FRMD6: variants seen among roughly 807,000 people sequenced by gnomAD.
The protein encoded by FRMD6 is FERM domain-containing protein 6.
A neutral mutation model predicts 73.2 loss-of-function variants in FRMD6; 37 were observed. That is an observed-to-expected ratio of 0.51 (90% CI 0.39 to 0.66). The LOEUF (loss-of-function observed/expected upper bound fraction) is 0.66, where lower values mean the gene tolerates loss of function less well. Ranked by LOEUF, FRMD6 falls within the 30% of genes least tolerant of loss-of-function variation. The pLI is 0.00. For missense variants in FRMD6, 714 were observed against 780.5 expected (o/e 0.91, Z 1.02); for synonymous variants, 273 against 282.2 (o/e 0.97, Z 0.33).
At chr14:51,520,774 T>A (rs1368744525) in intron 1 of FRMD6, among the ~76,000 whole-genome samples, 3 of 151,986 alleles carry the variant, frequency 2.0e-5, no homozygotes, top group Non-Finnish European at 4.4e-5. Context: ...CCAAGCATGG[T>A]GGCACGTGTT....
upstream of FRMD6, among the ~76,000 whole-genome samples, chr14:51,486,398 C>A (rs1240487461): frequency 6.6e-6 from 1 of 152,164 alleles, no homozygotes; most frequent in Non-Finnish European, 1.5e-5. Context: ...AACTATTAAG[C>A]ATTAGCAGTA....
At chr14:51,442,616 C>G in the FRMD6 span, among the ~76,000 whole-genome samples, 6 of 151,958 alleles carry the variant, frequency 3.9e-5, no homozygotes, top group East Asian at 1.9e-4. Flanking sequence ...CTGCTCCCCA[C>G]ATATTATAAG....
chr14:51,527,294 T>G (rs1885310971), intron 1 of FRMD6, among the ~76,000 whole-genome samples: 1 of 152,242 alleles, frequency 6.6e-6, no homozygotes, highest in South Asian at 2.1e-4. Context: ...GCCATCACCA[T>G]GGTTTATAAA....
the FRMD6 span, among the ~76,000 whole-genome samples, chr14:51,416,977 CCTG>C: frequency 1.3e-5 from 2 of 151,562 alleles, no homozygotes. Context: ...TATTGCAACC[CCTG>C]CTTTTTTTTT....
the FRMD6 span, among the ~76,000 whole-genome samples, chr14:51,418,423 A>G: frequency 6.6e-6 from 1 of 152,298 alleles, no homozygotes; most frequent in Non-Finnish European, 1.5e-5. Context: ...CCTCAGCTGC[A>G]GGTCTGTTGG....
intron 2 of FRMD6, among the ~76,000 whole-genome samples, chr14:51,693,702 T>C (rs1456230265): frequency 6.6e-6 from 1 of 152,172 alleles, no homozygotes; most frequent in Non-Finnish European, 1.5e-5. Context: ...TTCATTTCAT[T>C]AGTGTACTCT....
intron 2 of FRMD6, among the ~76,000 whole-genome samples, chr14:51,589,984 C>T (rs1225570652): frequency 1.3e-5 from 2 of 149,076 alleles, no homozygotes; most frequent in Non-Finnish European, 3.0e-5. Flanking sequence ...AGGAGAATTG[C>T]TTGAACCTGT....
intron 1 of FRMD6, among the ~76,000 whole-genome samples, chr14:51,518,613 T>A (rs748805791): frequency 1.3e-5 from 2 of 152,210 alleles, no homozygotes; most frequent in South Asian, 2.1e-4. Flanking sequence ...TTATTATTAA[T>A]TTTACCTCTG....
chr14:51,668,709 C>T (rs1018997016), intron 1 of FRMD6, among the ~76,000 whole-genome samples: 2 of 152,138 alleles, frequency 1.3e-5, no homozygotes, highest in African/African-American at 2.4e-5. Flanking sequence ...CTCTGTCACC[C>T]AGGCTAGAGT....
At chr14:51,491,300 A>G (rs1367520336) in intron 1 of FRMD6, 2 of 152,250 alleles carry the variant, frequency 1.3e-5, no homozygotes, top group Non-Finnish European at 2.9e-5. Context: ...GTACCAGCAC[A>G]TGCGCTTCCT....
intron 2 of FRMD6, among the ~76,000 whole-genome samples, chr14:51,632,379 G>A (rs545647187): frequency 6.6e-6 from 1 of 152,262 alleles, no homozygotes; most frequent in South Asian, 2.1e-4. Context: ...AATACGCTTA[G>A]GAAACACGAG....
chr14:51,593,004 G>A (rs1889483232), intron 2 of FRMD6, among the ~76,000 whole-genome samples: 1 of 152,162 alleles, frequency 6.6e-6, no homozygotes, highest in South Asian at 2.1e-4. Context: ...GGGAGGAAAG[G>A]GATATAGGCA....
At chr14:51,579,910 C>T (rs1378539993) in intron 2 of FRMD6, among the ~76,000 whole-genome samples, 1 of 152,170 alleles carries the variant, frequency 6.6e-6, no homozygotes, top group Non-Finnish European at 1.5e-5. Flanking sequence ...TTCTGGGGCT[C>T]ATCCTTTACC....
the FRMD6 span, among the ~76,000 whole-genome samples, chr14:51,404,164 C>T: frequency 6.6e-6 from 1 of 152,096 alleles, no homozygotes; most frequent in African/African-American, 2.4e-5. Flanking sequence ...CTGCATTTTT[C>T]TTAACACTAA....
chr14:51,642,210 G>T (rs892416198), intron 2 of FRMD6, among the ~76,000 whole-genome samples: 1 of 152,020 alleles, frequency 6.6e-6, no homozygotes, highest in African/African-American at 2.4e-5. Flanking sequence ...AGAGAGAGAG[G>T]GTTTTCAACA....
chr14:51,724,363 T>A (rs575850354), intron 12 of FRMD6, among the ~76,000 whole-genome samples: 1 of 152,352 alleles, frequency 6.6e-6, no homozygotes, highest in East Asian at 1.9e-4. Context: ...TGGAGAATAC[T>A]CTTTACAGGC....
chr14:51,663,748 A>G (rs1387217180), intron 1 of FRMD6, among the ~76,000 whole-genome samples: 1 of 152,236 alleles, frequency 6.6e-6, no homozygotes, highest in Non-Finnish European at 1.5e-5. Flanking sequence ...AATTTAAAAT[A>G]AAAGTTAAAT....
chr14:51,412,939 G>C, the FRMD6 span, among the ~76,000 whole-genome samples: 1 of 152,094 alleles, frequency 6.6e-6, no homozygotes, highest in East Asian at 1.9e-4. Context: ...TGGTGGGCTG[G>C]GGTGACTGCA....
intron 3 of FRMD6, among the ~76,000 whole-genome samples, chr14:51,700,333 G>A (rs1435564668): frequency 1.3e-5 from 2 of 152,064 alleles, no homozygotes; most frequent in Non-Finnish European, 2.9e-5. Context: ...TTCTTTTCAC[G>A]TGTTTAGATC....
Sources: gnomAD v4.1 joint callset for allele counts (sites outside exome capture counted in the v4.1 genomes callset) on GRCh38, gnomAD v4.1.1 for gene constraint, MANE v1.5 for transcripts, NCBI Gene and HGNC (gene_info 2026-07-23, HGNC 2026-07-21) for gene names.